Variants in GLIS3 observed in about 807,000 individuals in gnomAD.
GLIS3 encodes the protein zinc finger protein GLIS3.
GLIS3 carries 53 observed loss-of-function variants against 78.6 expected under a neutral mutation model. The ratio of observed to expected loss-of-function variants is 0.67; its 90% CI spans 0.54 to 0.85. GLIS3 has a LOEUF of 0.85. Ranked by LOEUF, GLIS3 falls within the 40% of genes least tolerant of loss-of-function variation. The probability of loss-of-function intolerance (pLI) is 0.00; values close to 1 mark genes in which losing one functional copy is unlikely to be tolerated. For missense variants in GLIS3, 1,703 were observed against 1,231.1 expected, an observed-to-expected ratio of 1.38 and a Z score of -5.74; for synonymous variants, 684 against 509.9, an observed-to-expected ratio of 1.34 and a Z score of -4.60.
chr9:4,095,965 C>T (rs1564040822), intron 4 of GLIS3, among the ~76,000 whole-genome samples: 1 of 145,864 alleles, frequency 6.9e-6, no homozygotes, highest in Non-Finnish European at 1.5e-5. Flanking sequence ...CAAAAATGGG[C>T]TCCTTGCTCT....
the GLIS3 span, among the ~76,000 whole-genome samples, chr9:4,477,232 C>T: frequency 5.3e-5 from 8 of 151,894 alleles, no homozygotes; most frequent in African/African-American, 1.9e-4. Context: ...CTTAGCCTTA[C>T]AAAGGAAGGA....
chr9:4,308,463 G>A (rs944635842), intron 4 of GLIS3, among the ~76,000 whole-genome samples: 1 of 151,998 alleles, frequency 6.6e-6, no homozygotes, highest in East Asian at 1.9e-4. Flanking sequence ...GGAGAAGGGA[G>A]AATGAAGAGA....
chr9:4,389,259 C>T, the GLIS3 span, among the ~76,000 whole-genome samples: 49 of 152,302 alleles, frequency 3.2e-4, no homozygotes, highest in Middle Eastern at 3.4e-3. Context: ...GGGCTAATTT[C>T]GAAATCAATT....
intron 5 of GLIS3, among the ~76,000 whole-genome samples, chr9:3,933,097 A>T (rs1825712963): frequency 6.6e-6 from 1 of 152,170 alleles, no homozygotes; most frequent in Non-Finnish European, 1.5e-5. Context: ...GGCTGAGTGC[A>T]ATCAGAACAC....
the GLIS3 span, among the ~76,000 whole-genome samples, chr9:4,426,758 A>G: frequency 1.3e-5 from 2 of 152,218 alleles, no homozygotes; most frequent in East Asian, 3.8e-4. Flanking sequence ...TGGATGTTTA[A>G]CTTTTCTGTG....
intron 2 of GLIS3, among the ~76,000 whole-genome samples, chr9:4,188,944 C>T (rs745744460): frequency 3.3e-5 from 5 of 152,136 alleles, no homozygotes; most frequent in Non-Finnish European, 5.9e-5. Context: ...TTTCAACAAA[C>T]CAGCTCCTGG....
chr9:4,056,863 T>C (rs950650184), intron 4 of GLIS3, among the ~76,000 whole-genome samples: 22 of 150,928 alleles, frequency 1.5e-4, no homozygotes, highest in African/African-American at 7.3e-5. Flanking sequence ...AAGATCATCT[T>C]TGGGTAATAG....
At chr9:4,472,021 G>A in the GLIS3 span, among the ~76,000 whole-genome samples, 2 of 152,168 alleles carry the variant, frequency 1.3e-5, no homozygotes, top group Admixed American at 6.5e-5. Flanking sequence ...CATCATCACT[G>A]GTCATCAGAG....
chr9:4,129,341 C>G (rs988799712), intron 2 of GLIS3, among the ~76,000 whole-genome samples: 2 of 152,182 alleles, frequency 1.3e-5, no homozygotes, highest in East Asian at 1.9e-4. Context: ...AAAGTTAACC[C>G]TCCCTCTGAT....
chr9:4,080,501 T>C (rs1828463106), intron 4 of GLIS3, among the ~76,000 whole-genome samples: 1 of 152,254 alleles, frequency 6.6e-6, no homozygotes, highest in Non-Finnish European at 1.5e-5. Context: ...ACTGCCCTGT[T>C]GTGCCATACT....
At chr9:4,175,021 C>T (rs1816696264) in intron 2 of GLIS3, among the ~76,000 whole-genome samples, 1 of 152,136 alleles carries the variant, frequency 6.6e-6, no homozygotes, top group Admixed American at 6.6e-5. Context: ...CAGGGGCAGG[C>T]CCTCCTCAAG....
chr9:4,061,289 C>T (rs143611805), intron 4 of GLIS3, among the ~76,000 whole-genome samples: 1,533 of 143,700 alleles, frequency 0.011, 26 homozygotes, highest in African/African-American at 0.038. Flanking sequence ...CTGTTCAATT[C>T]CCACCTATGA....
At chr9:4,422,685 G>C in the GLIS3 span, among the ~76,000 whole-genome samples, 9 of 152,220 alleles carry the variant, frequency 5.9e-5, no homozygotes, top group Admixed American at 5.9e-4. Flanking sequence ...ACAAATCTCA[G>C]ATAAGCTCAG....
chr9:4,143,507 C>T (rs1399349894), intron 2 of GLIS3, among the ~76,000 whole-genome samples: 3 of 151,580 alleles, frequency 2.0e-5, no homozygotes, highest in African/African-American at 7.3e-5. Context: ...GTGGGGGTTG[C>T]AGTGAGCCGA....
At chr9:3,990,240 C>T (rs1820115164) in intron 4 of GLIS3, among the ~76,000 whole-genome samples, 1 of 152,130 alleles carries the variant, frequency 6.6e-6, no homozygotes, top group Non-Finnish European at 1.5e-5. Flanking sequence ...CAAAAAGCCA[C>T]CATTTCATAA....
intron 2 of GLIS3, among the ~76,000 whole-genome samples, chr9:4,156,074 AC>A (rs1466484565): frequency 2.0e-5 from 3 of 151,544 alleles, no homozygotes; most frequent in African/African-American, 7.3e-5. Flanking sequence ...GTACATTCAA[AC>A]CCCAAGTCCA....
chr9:4,201,383 A>T (rs780015140), intron 2 of GLIS3, among the ~76,000 whole-genome samples: 77 of 152,218 alleles, frequency 5.1e-4, no homozygotes, highest in Non-Finnish European at 8.8e-4. Context: ...GAAAAAGAAG[A>T]AGTCAAACTG....
At chr9:4,117,145 T>C (rs1586716897) in intron 4 of GLIS3, among the ~76,000 whole-genome samples, 1 of 152,198 alleles carries the variant, frequency 6.6e-6, no homozygotes, top group Non-Finnish European at 1.5e-5. Context: ...TCTACAAAAT[T>C]ACCTCTTAAA....
intron 4 of GLIS3, among the ~76,000 whole-genome samples, chr9:4,037,611 C>T (rs928560074): frequency 6.7e-6 from 1 of 150,242 alleles, no homozygotes; most frequent in Non-Finnish European, 1.5e-5. Context: ...GGGGAACTTT[C>T]ACAGGCTCAG....
Sources: gnomAD v4.1 joint callset for allele counts (sites outside exome capture counted in the v4.1 genomes callset) on GRCh38, gnomAD v4.1.1 for gene constraint, MANE v1.5 for transcripts, NCBI Gene and HGNC (gene_info 2026-07-23, HGNC 2026-07-21) for gene names.